C16orf74: variants seen among roughly 807,000 people sequenced by gnomAD.
C16orf74 encodes the protein calcimembrin, also known as uncharacterized protein C16orf74.
A neutral mutation model predicts 6.5 loss-of-function variants in C16orf74; 10 were observed. That is an observed-to-expected ratio of 1.54 (90% CI 0.95 to 2.61). C16orf74 has a LOEUF of 2.61. Among genes scored for constraint, C16orf74 ranks in the 30% most tolerant of loss-of-function variants. The pLI is 0.00. For missense variants in C16orf74, 141 were observed against 105.9 expected (o/e 1.33, Z -1.45); for synonymous variants, 60 against 42.5 (o/e 1.41, Z -1.60).
At chr16:85,729,695 A>G (rs995000016) in intron 2 of C16orf74, among the ~76,000 whole-genome samples, 6 of 152,150 alleles carry the variant, frequency 3.9e-5, no homozygotes, top group Non-Finnish European at 7.4e-5. Context: ...TCTAAATCCA[A>G]TGCCTGGTGT....
At chr16:85,714,608 C>A (rs568801048) in intron 2 of C16orf74, among the ~76,000 whole-genome samples, 1 of 151,146 alleles carries the variant, frequency 6.6e-6, no homozygotes, top group Admixed American at 6.6e-5. Flanking sequence ...TTCGTAGAGA[C>A]GGCGTTTCAC....
rs1438524998 is a variant in C16orf74 at position 85,713,629 on chromosome 16, T to TA, written c.29-3323dup. ...ATATTGGACTAGGAGCTCACACTAC[T>TA]AAAATGACCTCATCTTAACTCATTA... On this transcript the variant is annotated intron_variant, in intron 2 of 3. Transcript: ENST00000284245. Among the ~76,000 whole-genome samples, 3 of 152,180 alleles carry TA rather than the reference T, an allele frequency of 2.0e-5. No homozygotes were observed. In the East Asian group the frequency reaches 5.8e-4, roughly 29 times the overall value.
intron 1 of C16orf74, among the ~76,000 whole-genome samples, chr16:85,750,054 A>C (rs1432044556): frequency 6.6e-6 from 1 of 152,158 alleles, no homozygotes; most frequent in African/African-American, 2.4e-5. Flanking sequence ...GGTGGGGTCT[A>C]GGCAGGAAAC....
chr16:85,732,768 T>C (rs1282020373), intron 2 of C16orf74, among the ~76,000 whole-genome samples: 3 of 150,422 alleles, frequency 2.0e-5, no homozygotes. Context: ...AGACCCAGGC[T>C]GGGCGAGTGG....
chr16:85,717,248 C>T (rs1282950586), intron 2 of C16orf74, among the ~76,000 whole-genome samples: 1 of 152,190 alleles, frequency 6.6e-6, no homozygotes, highest in Non-Finnish European at 1.5e-5. Flanking sequence ...GCTCTGGGCC[C>T]TCCTAGCTCC....
chr16:85,724,680 G>C (rs1175044582), intron 2 of C16orf74, among the ~76,000 whole-genome samples: 2 of 152,158 alleles, frequency 1.3e-5, no homozygotes, highest in African/African-American at 4.8e-5. Flanking sequence ...GGATGACGAG[G>C]ATAATGGGGA....
intron 2 of C16orf74, among the ~76,000 whole-genome samples, chr16:85,729,480 T>A (rs2054166483): frequency 6.6e-6 from 1 of 152,218 alleles, no homozygotes; most frequent in African/African-American, 2.4e-5. Flanking sequence ...GCAGAGTCTT[T>A]GTTGCCAGAC....
intron 1 of C16orf74, among the ~76,000 whole-genome samples, chr16:85,740,926 C>T (rs2054299741): frequency 6.6e-6 from 1 of 151,200 alleles, no homozygotes; most frequent in South Asian, 2.1e-4. Flanking sequence ...TCAGCAGGAA[C>T]ATAGTGATAC....
chr16:85,744,455 C>T (rs1453497327), intron 1 of C16orf74, among the ~76,000 whole-genome samples: 1 of 151,808 alleles, frequency 6.6e-6, no homozygotes. Context: ...TGTTTATGTT[C>T]CCGTTGAAAT....
rs559165892 is a variant in C16orf74, at chr16:85,734,647, G to C, written c.28+543C>G. The stretch of plus-strand genomic sequence containing the variant: ...AAGAAGAGGGGCAGCAATGGACTTG[G>C]GATGGGAGGTTTCCTGCAACATTGG... On this transcript the variant is annotated intron_variant, in intron 2 of 3. Transcript: ENST00000284245. Among the ~76,000 whole-genome samples the C allele has an allele frequency of 2.6e-5, 4 of 152,314 alleles. No homozygotes were observed. The East Asian group carries it at 5.8e-4, about 22-fold the overall frequency.
At chr16:85,726,329 CAT>C (rs756918856) in intron 2 of C16orf74, among the ~76,000 whole-genome samples, 16 of 152,182 alleles carry the variant, frequency 1.1e-4, no homozygotes, top group Admixed American at 2.0e-4. Flanking sequence ...GTACTCAGTA[CAT>C]GTTTGTGTGG....
chr16:85,727,027 AG>A (rs1433774613), intron 2 of C16orf74, among the ~76,000 whole-genome samples: 2 of 152,224 alleles, frequency 1.3e-5, no homozygotes, highest in African/African-American at 4.8e-5. Context: ...GTTAGCATTA[AG>A]GTCACTCCTC....
At chr16:85,727,417 G>A (rs1000602766) in intron 2 of C16orf74, among the ~76,000 whole-genome samples, 5 of 152,210 alleles carry the variant, frequency 3.3e-5, no homozygotes. Flanking sequence ...AACTGTCACA[G>A]CCAAGAGCCT....
At chr16:85,748,267 G>A (rs1278372702) in intron 1 of C16orf74, among the ~76,000 whole-genome samples, 2 of 151,922 alleles carry the variant, frequency 1.3e-5, no homozygotes. Context: ...TGGGTCATAG[G>A]AGGATTCAAA....
chr16:85,749,659 G>A (rs1224328931), intron 1 of C16orf74, among the ~76,000 whole-genome samples: 1 of 152,252 alleles, frequency 6.6e-6, no homozygotes, highest in Admixed American at 6.5e-5. Context: ...AGAAAACGCA[G>A]GGTCTGGTGC....
chr16:85,744,898 T>C (rs2054355491), intron 1 of C16orf74, among the ~76,000 whole-genome samples: 1 of 150,518 alleles, frequency 6.6e-6, no homozygotes, highest in South Asian at 2.1e-4. Flanking sequence ...TACCATCACT[T>C]TGGGAGGCCG....
intron 1 of C16orf74, among the ~76,000 whole-genome samples, chr16:85,740,837 A>AAAG (rs2054298405): frequency 6.6e-6 from 1 of 151,038 alleles, no homozygotes; most frequent in African/African-American, 2.4e-5. Flanking sequence ...CAAAAAAAAA[A>AAAG]AAAAAAAAAG....
chr16:85,739,620 G>A lies in C16orf74; in HGVS notation c.-18-4385C>T, dbSNP rs145118199. On this transcript the variant is annotated intron_variant, in intron 1 of 3. Transcript: ENST00000284245. The stretch of plus-strand genomic sequence containing the variant: ...TAATGACCAGCCTGGGCAACATGGC[G>A]AAACCCCATCTCTACAAAAAAATAC... Among the ~76,000 whole-genome samples, 353 of 152,148 alleles carry A rather than the reference G, an allele frequency of 2.3e-3. 1 individual carries two copies. The highest frequency in any genetic ancestry group is 8.1e-3 in the African/African-American group (335 of 41,510).
intron 2 of C16orf74, among the ~76,000 whole-genome samples, chr16:85,722,620 C>T (rs2054094173): frequency 1.3e-5 from 2 of 151,882 alleles, no homozygotes; most frequent in African/African-American, 2.4e-5. Flanking sequence ...TTGCTCTGCT[C>T]GCTCCCTGAT....
Sources: gnomAD v4.1 joint callset for allele counts (sites outside exome capture counted in the v4.1 genomes callset) on GRCh38, gnomAD v4.1.1 for gene constraint, MANE v1.5 for transcripts, NCBI Gene and HGNC (gene_info 2026-07-23, HGNC 2026-07-21) for gene names.